The following SDC3 variants were observed in gnomAD, a reference collection of about 807,000 sequenced individuals.
SDC3 encodes the protein syndecan-3.
Under a neutral mutation model 24.4 loss-of-function variants are expected in SDC3, and 13 were observed. The observed-to-expected ratio is 0.53, with a 90% CI of 0.35 to 0.85. The LOEUF (loss-of-function observed/expected upper bound fraction) is 0.85, where lower values mean the gene tolerates loss of function less well. SDC3 is among the 40% of genes least tolerant of loss of function. The pLI, the probability that SDC3 is intolerant of heterozygous loss-of-function variation, is 0.01. For synonymous variants in SDC3, 295 were observed against 260.9 expected (o/e 1.13, Z -1.26); for missense variants, 571 against 584.5 (o/e 0.98, Z 0.24).
At chr1:30,889,845 T>C (rs1052257773) in intron 1 of SDC3, among the ~76,000 whole-genome samples, 1 of 152,240 alleles carries the variant, frequency 6.6e-6, no homozygotes, top group Admixed American at 6.5e-5. Context: ...ATTCTACTCC[T>C]AGGGTATATA....
Position 30,908,451 on chromosome 1 carries a change from C to A in SDC3, c.136G>T (p.Gly46Trp). The A allele has an allele frequency of 9.6e-7, 1 of 1,040,110 alleles. No individual in the cohort carries two copies. The highest frequency in any genetic ancestry group is 3.0e-5 in the South Asian group (1 of 32,870). The allele number at this position is 1,040,110 out of a possible 1,614,324, so 64.4% of individuals were successfully genotyped here. A position where few individuals can be genotyped will look rare whatever the true frequency, so the allele number is the denominator to read the frequency against. ...GGATCCGGGCGCGTGTCACTCACCC[C>A]CGCGGCGCGCCCCGCCAGCAGCAGC... is the stretch of plus-strand genomic sequence containing the variant. ...LLLLLAGRAA[G>W]AQRWRSENFE... The change falls in exon 1 of 5, where the codon GGG (glycine) becomes TGG (tryptophan). Residue 46 changes from glycine (G) to tryptophan (W), a missense_variant and splice_region_variant. Transcript: ENST00000339394.
At chr1:30,876,030 G>A (rs897808729) in intron 3 of SDC3, among the ~76,000 whole-genome samples, 16 of 152,186 alleles carry the variant, frequency 1.1e-4, no homozygotes, top group African/African-American at 2.9e-4. Context: ...CCGTGATGAC[G>A]ACAGCAGCTG....
chr1:30,878,578 G>T, intron 2 of SDC3, 45 bp downstream of exon 2: 1 of 1,511,400 alleles, frequency 6.6e-7, no homozygotes, highest in Non-Finnish European at 9.2e-7. Context: ...GCTGGATACA[G>T]ACTGGTCACT....
intron 2 of SDC3, 146 bp from the exon 3 acceptor site, chr1:30,877,311 G>A: frequency 9.3e-7 from 1 of 1,078,716 alleles, no homozygotes; most frequent in South Asian, 1.5e-5. Flanking sequence ...AGAGAAAGGA[G>A]GAAGGCACAG....
intron 1 of SDC3, among the ~76,000 whole-genome samples, chr1:30,891,389 A>G (rs1376002901): frequency 6.6e-6 from 1 of 151,592 alleles, no homozygotes; most frequent in South Asian, 2.1e-4. Context: ...TTTCCACTCT[A>G]CTCTCTGGCA....
intron 1 of SDC3, among the ~76,000 whole-genome samples, chr1:30,901,029 G>A (rs560386216): frequency 6.6e-5 from 10 of 152,276 alleles, no homozygotes; most frequent in East Asian, 3.9e-4. Flanking sequence ...GGGATGTGAC[G>A]ACAAGATCAG....
At chr1:30,899,115 C>A (rs969241743) in intron 1 of SDC3, among the ~76,000 whole-genome samples, 23 of 152,208 alleles carry the variant, frequency 1.5e-4, no homozygotes, top group Admixed American at 6.5e-5. Context: ...GAGATGGAGT[C>A]TCGCTCTGTT....
At chr1:30,884,018 C>T (rs1639783837) in intron 1 of SDC3, among the ~76,000 whole-genome samples, 2 of 152,118 alleles carry the variant, frequency 1.3e-5, no homozygotes. Context: ...GGCCAAGCTC[C>T]GGGCAGCAAG....
chr1:30,906,256 T>C (rs1638517419), intron 1 of SDC3, among the ~76,000 whole-genome samples: 1 of 152,236 alleles, frequency 6.6e-6, no homozygotes, highest in East Asian at 1.9e-4. Context: ...CATGGGAAGA[T>C]GTGAGGCCTG....
At chr1:30,874,675 C>A in intron 3 of SDC3, 87 bp from the exon 4 acceptor site, 1 of 1,214,990 alleles carries the variant, frequency 8.2e-7, no homozygotes, top group Admixed American at 1.9e-5. Context: ...GGGGCTAACA[C>A]TTAGCACTCC....
chr1:30,887,143 G>A (rs554386199), intron 1 of SDC3, among the ~76,000 whole-genome samples: 7 of 152,164 alleles, frequency 4.6e-5, no homozygotes, highest in South Asian at 2.1e-4. Context: ...AGGACAAGGC[G>A]CACTCACACG....
chr1:30,908,712 G>A lies in SDC3; in HGVS notation c.-126C>T, dbSNP rs1295525689. ...TGGACCGACGCGCTCTAGGCTCGCGGGCTCCCGGCTCGGCCGCCCGGCTCC... is the reference window on the plus strand; with the variant it reads ...TGGACCGACGCGCTCTAGGCTCGCGAGCTCCCGGCTCGGCCGCCCGGCTCC... On this transcript the variant is annotated 5_prime_UTR_variant, in exon 1 of 5. Coordinates refer to ENST00000339394, the MANE Select transcript of SDC3 (RefSeq NM_014654.4). The A allele has an allele frequency of 4.3e-6, 1 of 232,814 alleles. No homozygotes were observed. The highest frequency in any genetic ancestry group is 6.9e-6 in the Non-Finnish European group (1 of 145,220). The allele number at this position is 232,814 out of a possible 1,614,324, so 14.4% of individuals were successfully genotyped here.
At chr1:30,900,246 A>G (rs1638386385) in intron 1 of SDC3, among the ~76,000 whole-genome samples, 1 of 152,202 alleles carries the variant, frequency 6.6e-6, no homozygotes. Flanking sequence ...CACTGAGATA[A>G]AGCATGTTAA....
intron 1 of SDC3, among the ~76,000 whole-genome samples, chr1:30,890,760 C>T (rs1639892309): frequency 6.6e-6 from 1 of 152,142 alleles, no homozygotes; most frequent in South Asian, 2.1e-4. Context: ...TTCAGAGAAG[C>T]CCAGCATTCC....
chr1:30,877,054 C>T lies in SDC3; in HGVS notation c.368G>A (p.Gly123Asp), dbSNP rs1639656138. ...AGAGGGGAGCTCTTCAAATGGTGTG[C>T]CCACAGGCTGGATGTTCGTGGTGGG... Reference protein sequence around the residue: ...VLPTTNIQPVGTPFEELPSER... With the variant: ...VLPTTNIQPVDTPFEELPSER... Residue 123 changes from glycine to aspartate, a missense_variant, in exon 3 of 5, where the codon GGC becomes GAC. Physicochemically the swap from Gly to Asp is moderately conservative, Grantham distance 94. Around this residue, in one of 2 missense-constraint regions of SDC3, gnomAD observed 497 missense variants for 471.6 expected, o/e 1.05. Transcript: ENST00000339394. 1.2e-6 allele frequency: 2 copies of T among 1,613,774 alleles called. No homozygotes were observed. The highest frequency in any genetic ancestry group is 1.7e-5 in the Admixed American group (1 of 59,986).
rs746565860 is a variant in SDC3 at position 30,874,300 on chromosome 1, C to T, written c.1159G>A (p.Val387Ile). Reference protein sequence around the residue: ...KSILERKEVLVAVIVGGVVGA... With the variant: ...KSILERKEVLIAVIVGGVVGA... ...TGGCCCAGACCCCAAGCCTCACCTA[C>T]GAGCACCTCCTTCCGCTCCAGGATA... Residue 387 changes from valine to isoleucine, a missense_variant, in exon 4 of 5, where the codon GTA becomes ATA. This residue lies in a region of SDC3 where 74 missense variants were observed against 112.9 expected (regional missense o/e 0.66). Transcript: ENST00000339394. 2.0e-5 allele frequency: 32 copies of T among 1,604,386 alleles called. No homozygotes were observed. The highest frequency in any genetic ancestry group is 4.0e-5 in the African/African-American group (3 of 74,816).
Position 30,878,651 on chromosome 1 carries a change from A to G in SDC3, c.228T>C (p.Asp76=). The change falls in exon 2 of 5, where the codon GAT becomes GAC. Residue 76 remains aspartate, a synonymous_variant. Transcript: ENST00000339394. ...CCGAGCCCGACCCCGAGTAGAGGTC[A>G]TCCAGTTCATCATCGGGAAAGGAGT... ...DDDSFPDDEL[D]DLYSGSGSGY... 1 of 1,614,176 alleles carries G rather than the reference A, an allele frequency of 6.2e-7. No individual in the cohort carries two copies. The highest frequency in any genetic ancestry group is 1.6e-4 in the Middle Eastern group (1 of 6,062).
At chr1:30,888,033 T>A (rs912163374) in intron 1 of SDC3, among the ~76,000 whole-genome samples, 3 of 152,200 alleles carry the variant, frequency 2.0e-5, no homozygotes, top group Admixed American at 6.5e-5. Flanking sequence ...TATATGCAAA[T>A]ATGCAGATCA....
At chr1:30,891,230 A>G (rs772234787) in intron 1 of SDC3, among the ~76,000 whole-genome samples, 2 of 152,190 alleles carry the variant, frequency 1.3e-5, no homozygotes, top group African/African-American at 4.8e-5. Flanking sequence ...ACTCAAGTCC[A>G]TCTGCCCTCT....
Sources: gnomAD v4.1 joint callset for allele counts (sites outside exome capture counted in the v4.1 genomes callset) on GRCh38, gnomAD v4.1.1 for gene constraint, gnomAD v4.1.1 regional missense constraint, MANE v1.5 for transcripts, NCBI Gene and HGNC (gene_info 2026-07-23, HGNC 2026-07-21) for gene names.